SPOCK2: variants seen among roughly 807,000 people sequenced by gnomAD.
The protein encoded by SPOCK2 is SPARC (osteonectin), cwcv and kazal like domains proteoglycan 2.
In SPOCK2, 39 loss-of-function variants were observed where a neutral mutation model predicts 60.1. The ratio of observed to expected loss-of-function variants is 0.65; its 90% confidence interval spans 0.50 to 0.85. The LOEUF (loss-of-function observed/expected upper bound fraction) is 0.85, where lower values mean the gene tolerates loss of function less well. SPOCK2 is among the 40% of genes least tolerant of loss of function. SPOCK2 has a pLI of 0.00. For missense variants in SPOCK2, 523 were observed against 567.4 expected, an observed-to-expected ratio of 0.92 and a Z score of 0.80; for synonymous variants, 217 against 231.5, an observed-to-expected ratio of 0.94 and a Z score of 0.57.
rs1157935830 is a variant in SPOCK2, at chr10:72,062,592, C to T, written c.*168G>A. On this transcript the variant is annotated 3_prime_UTR_variant, in exon 11 of 11. Transcript: ENST00000373109. This position sits in a 1 kb window ranked among gnomAD's most constrained non-coding sequence, Gnocchi z 4.3. ...GCACACATGCACTCACACTGTCACC[C>T]GTCCCAGCCATCTGTGCCACACACA... The T allele has an allele frequency of 5.3e-6, 7 of 1,314,680 alleles. No individual in the cohort carries two copies. Among genetic ancestry groups the T allele is most frequent in the African/African-American group, 1.5e-5 (1 of 68,168 alleles). 81.4% of individuals were successfully genotyped at this position (1,314,680 alleles called of 1,614,324 possible). A position where few individuals can be genotyped will look rare whatever the true frequency, so the allele number is the denominator to read the frequency against.
At chr10:72,072,950 G>A (rs1479545583) in intron 1 of SPOCK2, 40 bp from the exon 2 acceptor site, 1 of 1,553,000 alleles carries the variant, frequency 6.4e-7, no homozygotes, top group East Asian at 2.4e-5. Context: ...GGAAAACGGA[G>A]CAGGAAGAGA....
rs556234714 is a variant in SPOCK2, at chr10:72,074,346, T to C, written c.190-1436A>G. Among the ~76,000 whole-genome samples the C allele has an allele frequency of 2.7e-5, 4 of 150,836 alleles. No homozygotes were observed. The East Asian group carries it at 7.9e-4, about 30-fold the overall frequency. On this transcript the variant is annotated intron_variant, in intron 1 of 10. Coordinates refer to ENST00000373109, the MANE Select transcript of SPOCK2 (RefSeq NM_001244950.2). ...CAGTTGGCATCACCACCGAGAAAGA[T>C]GCGGTGTGCACAGGCATAGACCTGA...
chr10:72,071,995 G>T, intron 4 of SPOCK2, 149 bp downstream of exon 4: 3 of 577,626 alleles, frequency 5.2e-6, no homozygotes, highest in Non-Finnish European at 8.4e-6. Context: ...CAGAAATGAT[G>T]TCAGATAATA....
At chr10:72,079,938 C>T (rs1362554309) in intron 1 of SPOCK2, among the ~76,000 whole-genome samples, 1 of 152,054 alleles carries the variant, frequency 6.6e-6, no homozygotes, top group East Asian at 1.9e-4. Flanking sequence ...ATAAGGATGA[C>T]CCCCTTGCCT....
chr10:72,068,123 C>T (rs1840596132), intron 6 of SPOCK2, 64 bp downstream of exon 6: 1 of 1,528,778 alleles, frequency 6.5e-7, no homozygotes, highest in Admixed American at 1.9e-5. Flanking sequence ...CACCCTAGAG[C>T]CCTGAAGGAG....
chr10:72,065,612 C>G (rs994044009), intron 8 of SPOCK2, among the ~76,000 whole-genome samples: 2 of 152,182 alleles, frequency 1.3e-5, no homozygotes, highest in African/African-American at 4.8e-5. Context: ...TTGGGAAGTC[C>G]CCACCTCTCC....
chr10:72,074,280 G>A (rs976656912), intron 1 of SPOCK2, among the ~76,000 whole-genome samples: 1 of 152,140 alleles, frequency 6.6e-6, no homozygotes, highest in African/African-American at 2.4e-5. Flanking sequence ...GGCAGGGTGA[G>A]GCCTCCTGGA....
At position 72,062,771 on chromosome 10, in the gene SPOCK2, A is replaced by G; in HGVS notation, c.1264T>C (p.Tyr422His). The stretch of plus-strand genomic sequence containing the variant: ...GCTCCTGAGGGCGTCTACCAGATGT[A>G]GCCCCCGTCGTCAGCCTCGCCTGCC... ...GEAGEADDGG[Y>H]IW is the part of the protein sequence containing the mutation. Residue 422 changes from tyrosine to histidine, a missense_variant, in exon 11 of 11, where the codon TAC becomes CAC. By Grantham distance (83) the Tyr-to-His change is moderately conservative. Transcript: ENST00000373109. The surrounding 1 kb of genome is among the most constrained non-coding windows in gnomAD (Gnocchi z 4.3). 3 of 1,605,500 alleles carry G rather than the reference A, an allele frequency of 1.9e-6. No individual in the cohort carries two copies. The highest frequency in any genetic ancestry group is 2.5e-6 in the Non-Finnish European group (3 of 1,179,282).
chr10:72,084,398 C>A (rs1455060124), intron 1 of SPOCK2, among the ~76,000 whole-genome samples: 1 of 152,228 alleles, frequency 6.6e-6, no homozygotes, highest in Admixed American at 6.5e-5. Flanking sequence ...GGCACCCAGG[C>A]CAGAGCTGTC....
chr10:72,077,759 C>T (rs1840732867), intron 1 of SPOCK2, among the ~76,000 whole-genome samples: 1 of 152,218 alleles, frequency 6.6e-6, no homozygotes, highest in African/African-American at 2.4e-5. Flanking sequence ...GCTCCTGCTT[C>T]CAATTCCAGG....
chr10:72,068,440 C>T, intron 5 of SPOCK2, 139 bp from the exon 6 acceptor site: 3 of 865,732 alleles, frequency 3.5e-6, no homozygotes, highest in Admixed American at 2.9e-5. Context: ...GAAGGGTCCT[C>T]TTGGTTCCTC....
At chr10:72,063,374 C>T (rs1014958344) in intron 9 of SPOCK2, among the ~76,000 whole-genome samples, 1 of 152,226 alleles carries the variant, frequency 6.6e-6, no homozygotes, top group Non-Finnish European at 1.5e-5. Flanking sequence ...TGAGGAAACC[C>T]GCTTCCTTGA....
chr10:72,077,827 C>T (rs368729489), intron 1 of SPOCK2, among the ~76,000 whole-genome samples: 3 of 152,260 alleles, frequency 2.0e-5, no homozygotes, highest in African/African-American at 7.2e-5. Flanking sequence ...CTGTCCTGCC[C>T]CTTCCCCTCC....
rs1371420854 is a variant in SPOCK2, at chr10:72,059,715, C to G, written c.*3045G>C. On this transcript the variant is annotated 3_prime_UTR_variant, in exon 11 of 11. Coordinates refer to ENST00000373109, the MANE Select transcript of SPOCK2 (RefSeq NM_001244950.2). ...AGTGAAGGGGGGTGACCACCCCCCA[C>G]GTGTGGGACAACAGGGGGCAGTCAA... The G allele has an allele frequency of 6.5e-6, 1 of 152,720 alleles. No homozygotes were observed. Among genetic ancestry groups the G allele is most frequent in the Non-Finnish European group, 1.5e-5 (1 of 68,130 alleles). The allele number at this position is 152,720 out of a possible 1,614,324, so 9.5% of individuals were successfully genotyped here. A position where few individuals can be genotyped will look rare whatever the true frequency, so the allele number is the denominator to read the frequency against.
intron 4 of SPOCK2, among the ~76,000 whole-genome samples, chr10:72,070,693 C>T (rs1360806474): frequency 6.6e-6 from 1 of 152,092 alleles, no homozygotes. Flanking sequence ...CAGGTAGCAA[C>T]TCCAGGTCTG....
rs34886842 is a variant in SPOCK2 at position 72,066,503 on chromosome 10, A to ATTT, written c.928+396_928+398dup. Among the ~76,000 whole-genome samples, 425 of 124,010 alleles carry ATTT rather than the reference A, an allele frequency of 3.4e-3. 5 individuals are homozygous for ATTT. Among genetic ancestry groups the ATTT allele is most frequent in the African/African-American group, 9.5e-3 (304 of 32,072 alleles). The allele number at this position is 124,010 out of a possible 152,430, so 81.4% of individuals were successfully genotyped here. A position where few individuals can be genotyped will look rare whatever the true frequency, so the allele number is the denominator to read the frequency against. ...CAAATGCATGCCACCATGCCTGGCT[A>ATTT]TTTTTTTTTTTTTTTTTCACAGAGA... On this transcript the variant is annotated intron_variant, in intron 8 of 10. Transcript: ENST00000373109.
At chr10:72,078,240 G>A (rs916317903) in intron 1 of SPOCK2, among the ~76,000 whole-genome samples, 9 of 152,112 alleles carry the variant, frequency 5.9e-5, no homozygotes, top group African/African-American at 2.2e-4. Flanking sequence ...AATAGGCCAG[G>A]CGCGGTGGCT....
intron 4 of SPOCK2, 100 bp from the exon 5 acceptor site, chr10:72,070,526 A>T (rs1169699552): frequency 1.0e-5 from 11 of 1,082,230 alleles, no homozygotes; most frequent in Middle Eastern, 2.2e-4. Context: ...GGAAGGCAGC[A>T]GCAATCTTCA....
rs1278584866 is a variant in SPOCK2 at position 72,087,646 on chromosome 10, G to T, written c.189+494C>A. ...TCCCCCTCCCGCAAAGCCCACGGTG[G>T]GAACAGAGGGCACCGCGCGAGCCGA... On this transcript the variant is annotated intron_variant, in intron 1 of 10. Transcript: ENST00000373109. This position sits in a 1 kb window ranked among gnomAD's most constrained non-coding sequence, Gnocchi z 4.7. Among the ~76,000 whole-genome samples the T allele has an allele frequency of 6.6e-6, 1 of 152,190 alleles. No individual in the cohort carries two copies. Among genetic ancestry groups the T allele is most frequent in the Non-Finnish European group, 1.5e-5 (1 of 68,018 alleles).
Sources: gnomAD v4.1 joint callset for allele counts (sites outside exome capture counted in the v4.1 genomes callset) on GRCh38, gnomAD v4.1.1 for gene constraint, Gnocchi (gnomAD v3.1) non-coding constraint, MANE v1.5 for transcripts, NCBI Gene and HGNC (gene_info 2026-07-23, HGNC 2026-07-21) for gene names.